TOX: variants seen among roughly 807,000 people sequenced by gnomAD.
TOX encodes thymocyte selection associated high mobility group box.
TOX carries 11 observed loss-of-function variants against 53.7 expected under a neutral mutation model. The observed-to-expected ratio is 0.20, with a 90% CI of 0.13 to 0.34. The LOEUF (loss-of-function observed/expected upper bound fraction) is 0.34. Ranked by LOEUF, TOX falls within the 10% of genes least tolerant of loss-of-function variation. The pLI, the probability that TOX is intolerant of heterozygous loss-of-function variation, is 1.00. For missense variants in TOX, 570 were observed against 664.6 expected (o/e 0.86, Z 1.56); for synonymous variants, 225 against 245.3 (o/e 0.92, Z 0.77).
Position 58,851,392 on chromosome 8 carries a change from A to T in TOX, c.693+132T>A. 2 of 1,018,896 alleles carry T rather than the reference A, an allele frequency of 2.0e-6. No homozygotes were observed. The highest frequency in any genetic ancestry group is 2.9e-6 in the Non-Finnish European group (2 of 701,054). The allele number at this position is 1,018,896 out of a possible 1,614,324, so 63.1% of individuals were successfully genotyped here. On this transcript the variant is annotated intron_variant, in intron 4 of 8. Transcript: ENST00000361421. The surrounding 1 kb of genome is among the most constrained non-coding windows in gnomAD (Gnocchi z 4.4). ...TTTAATCCAGTATGTTTGTAACCTC[A>T]TGCTTCATTAACAAAGCAGGTGTCT...
rs1222603084 is a variant in TOX, at chr8:59,117,564, C to G, written c.102+1322G>C. On this transcript the variant is annotated intron_variant, in intron 1 of 8. Coordinates refer to ENST00000361421, the MANE Select transcript of TOX (RefSeq NM_014729.3). The surrounding 1 kb of genome is among the most constrained non-coding windows in gnomAD (Gnocchi z 4.6). ...GTGAGAGCCTGCCTGTGTGTCAACA[C>G]TGTCCAAGACTCGGAGCTGCGACTC... is the stretch of plus-strand genomic sequence containing the variant. Among the ~76,000 whole-genome samples, 1 of 152,256 alleles carries G rather than the reference C, an allele frequency of 6.6e-6. No homozygotes were observed. The highest frequency in any genetic ancestry group is 1.5e-5 in the Non-Finnish European group (1 of 68,046).
At chr8:58,927,683 T>C (rs1169537188) in intron 3 of TOX, among the ~76,000 whole-genome samples, 2 of 152,102 alleles carry the variant, frequency 1.3e-5, no homozygotes, top group Non-Finnish European at 2.9e-5. Flanking sequence ...AGAAGAGGAA[T>C]GACAGATAGT....
intron 1 of TOX, among the ~76,000 whole-genome samples, chr8:59,115,158 T>C (rs1221947255): frequency 6.6e-6 from 1 of 152,124 alleles, no homozygotes; most frequent in Non-Finnish European, 1.5e-5. Context: ...CATGATTCCA[T>C]AAAGGCAACC....
intron 3 of TOX, among the ~76,000 whole-genome samples, chr8:58,874,784 A>G (rs1271061551): frequency 1.3e-5 from 2 of 152,172 alleles, no homozygotes; most frequent in Non-Finnish European, 2.9e-5. Context: ...CTTATCCACC[A>G]TGAAGGCTAT....
chr8:59,066,180 T>C (rs570990137), intron 1 of TOX, among the ~76,000 whole-genome samples: 2 of 152,346 alleles, frequency 1.3e-5, no homozygotes, highest in African/African-American at 2.4e-5. Context: ...TTAAATGGCA[T>C]AGTTGTGCCA....
intron 1 of TOX, among the ~76,000 whole-genome samples, chr8:59,004,251 T>C (rs956549234): frequency 1.3e-5 from 2 of 152,238 alleles, no homozygotes; most frequent in African/African-American, 4.8e-5. Flanking sequence ...CTAAACCACT[T>C]TTCTATTGCA....
chr8:58,896,766 C>T (rs1470786249), intron 3 of TOX, among the ~76,000 whole-genome samples: 1 of 152,236 alleles, frequency 6.6e-6, no homozygotes. Context: ...GTACTTTAGT[C>T]TATCCAAGGT....
At chr8:59,027,738 C>G (rs1386296183) in intron 1 of TOX, among the ~76,000 whole-genome samples, 1 of 152,104 alleles carries the variant, frequency 6.6e-6, no homozygotes, top group Non-Finnish European at 1.5e-5. Context: ...CAGAAGTGCA[C>G]AAATGATATT....
At chr8:58,937,160 T>C (rs1454731779) in intron 3 of TOX, among the ~76,000 whole-genome samples, 1 of 151,904 alleles carries the variant, frequency 6.6e-6, no homozygotes, top group Non-Finnish European at 1.5e-5. Flanking sequence ...GCTTGAGGGG[T>C]ACTGGGAAGG....
At chr8:58,904,266 C>T (rs993216781) in intron 3 of TOX, among the ~76,000 whole-genome samples, 1 of 151,900 alleles carries the variant, frequency 6.6e-6, no homozygotes, top group Admixed American at 6.6e-5. Context: ...AACCATCTTT[C>T]CTGCTTGTCT....
At chr8:59,029,266 T>C (rs1241410670) in intron 1 of TOX, among the ~76,000 whole-genome samples, 1 of 150,794 alleles carries the variant, frequency 6.6e-6, no homozygotes, top group Non-Finnish European at 1.5e-5. Flanking sequence ...CAAAATGTAT[T>C]CAGTCGCTGT....
At chr8:58,832,696 A>G (rs924914202) in intron 5 of TOX, among the ~76,000 whole-genome samples, 6 of 152,194 alleles carry the variant, frequency 3.9e-5, no homozygotes, top group African/African-American at 1.4e-4. Context: ...AACTATTTAC[A>G]CTTGCCACTT....
At chr8:59,113,389 A>G (rs1805052417) in intron 1 of TOX, among the ~76,000 whole-genome samples, 1 of 152,164 alleles carries the variant, frequency 6.6e-6, no homozygotes, top group Admixed American at 6.5e-5. Flanking sequence ...CTAGTACAAT[A>G]TTGTATAACT....
intron 3 of TOX, among the ~76,000 whole-genome samples, chr8:58,905,107 A>C (rs10110007): frequency 0.91 from 138,272 of 152,142 alleles, 62,964 homozygotes; most frequent in East Asian, 1. Flanking sequence ...TAATTTTGGT[A>C]TTTTTAGTAG....
At position 59,097,579 on chromosome 8, in the gene TOX, G is replaced by A. The variant is rs939157781; in HGVS notation, c.102+21307C>T. On this transcript the variant is annotated intron_variant, in intron 1 of 8. Coordinates refer to ENST00000361421, the MANE Select transcript of TOX (RefSeq NM_014729.3). ...ATGCCTCTATTTCCTTCGTACCTAG[G>A]ATCCTTTCTCATCTGTGGCACATTC... Among the ~76,000 whole-genome samples, 5 of 152,074 alleles carry A rather than the reference G, an allele frequency of 3.3e-5. No individual in the cohort carries two copies. In the South Asian group the frequency reaches 6.2e-4, roughly 19 times the overall value.
Position 58,903,171 on chromosome 8 carries a change from AC to A in TOX, c.411+36130del, listed in dbSNP as rs1811757492. On this transcript the variant is annotated intron_variant, in intron 3 of 8. Transcript: ENST00000361421. ...ATTAAGAACTGCAGAATTAACACAG[AC>A]CCTGGAGAGAAGACATGATTTTGTA... Among the ~76,000 whole-genome samples, 3 of 152,334 alleles carry A rather than the reference AC, an allele frequency of 2.0e-5. No homozygotes were observed. In the South Asian group the frequency reaches 6.2e-4, roughly 32 times the overall value.
chr8:58,935,631 T>C (rs1812330802), intron 3 of TOX, among the ~76,000 whole-genome samples: 1 of 152,222 alleles, frequency 6.6e-6, no homozygotes, highest in Admixed American at 6.5e-5. Flanking sequence ...AACTCTCATA[T>C]CTGTAGACAT....
At chr8:58,827,391 C>G (rs1810383353) in intron 5 of TOX, among the ~76,000 whole-genome samples, 2 of 152,240 alleles carry the variant, frequency 1.3e-5, no homozygotes, top group South Asian at 4.2e-4. Context: ...AGGGAGAGTG[C>G]AGGTTCATCA....
At chr8:58,857,814 GGCTACAGT>G (rs1274532603) in intron 3 of TOX, among the ~76,000 whole-genome samples, 4 of 151,918 alleles carry the variant, frequency 2.6e-5, no homozygotes, top group African/African-American at 9.7e-5. Flanking sequence ...CTGTCGCACA[GGCTACAGT>G]GCATTTGCAC....
Sources: gnomAD v4.1 joint callset for allele counts (sites outside exome capture counted in the v4.1 genomes callset) on GRCh38, gnomAD v4.1.1 for gene constraint, Gnocchi (gnomAD v3.1) non-coding constraint, MANE v1.5 for transcripts, NCBI Gene and HGNC (gene_info 2026-07-23, HGNC 2026-07-21) for gene names.